KCND2: variants seen among roughly 807,000 people sequenced by gnomAD.
KCND2 encodes the protein A-type voltage-gated potassium channel KCND2.
Under a neutral mutation model 54.4 loss-of-function variants are expected in KCND2, and 16 were observed. The ratio of observed to expected loss-of-function variants is 0.29; its 90% CI spans 0.20 to 0.45. The LOEUF (loss-of-function observed/expected upper bound fraction) is 0.45, where lower values mean the gene tolerates loss of function less well. Among genes scored for constraint, KCND2 ranks in the 20% least tolerant of loss-of-function variants. The pLI is 1.00. For missense variants in KCND2, 486 were observed against 824.2 expected, an observed-to-expected ratio of 0.59 and a Z score of 5.02; for synonymous variants, 317 against 310.7, an observed-to-expected ratio of 1.02 and a Z score of -0.21.
chr7:120,461,319 C>T (rs1420339354), intron 1 of KCND2, among the ~76,000 whole-genome samples: 1 of 152,182 alleles, frequency 6.6e-6, no homozygotes, highest in Non-Finnish European at 1.5e-5. Flanking sequence ...GACACTTTTT[C>T]ACTAGGGTTT....
intron 1 of KCND2, among the ~76,000 whole-genome samples, chr7:120,426,728 T>G (rs940148967): frequency 6.6e-6 from 1 of 151,734 alleles, no homozygotes; most frequent in Non-Finnish European, 1.5e-5. Flanking sequence ...TTCATGCCAT[T>G]CTCTTGCCTC....
At chr7:120,410,076 G>A (rs1008472557) in intron 1 of KCND2, among the ~76,000 whole-genome samples, 1 of 151,784 alleles carries the variant, frequency 6.6e-6, no homozygotes, top group African/African-American at 2.4e-5. Context: ...AAAAGTCAAG[G>A]TTTATTATTA....
chr7:120,474,241 A>G lies in KCND2; in HGVS notation c.1115+198494A>G, dbSNP rs192040625. Among the ~76,000 whole-genome samples the G allele has an allele frequency of 1.7e-3, 265 of 152,294 alleles. 1 individual carries two copies. Among genetic ancestry groups the G allele is most frequent in the Non-Finnish European group, 2.4e-3 (161 of 68,018 alleles). On this transcript the variant is annotated intron_variant, in intron 1 of 5. Transcript: ENST00000331113. ...ACTGTGGACACCACATGGCAGCTCA[A>G]GCATCCCACTGCCTGGCCATTCTGC... is the stretch of plus-strand genomic sequence containing the variant.
intron 1 of KCND2, among the ~76,000 whole-genome samples, chr7:120,331,620 T>G (rs1420490484): frequency 2.0e-5 from 3 of 152,120 alleles, no homozygotes; most frequent in African/African-American, 7.2e-5. Context: ...TGATTGATTT[T>G]GTTTGTGTTA....
chr7:120,450,190 A>G (rs1584783847), intron 1 of KCND2, among the ~76,000 whole-genome samples: 1 of 152,144 alleles, frequency 6.6e-6, no homozygotes, highest in African/African-American at 2.4e-5. Flanking sequence ...AGGCGGGTGG[A>G]TCATGAGGTC....
chr7:120,570,928 TA>T (rs1473692163), intron 1 of KCND2, among the ~76,000 whole-genome samples: 1 of 152,190 alleles, frequency 6.6e-6, no homozygotes, highest in Non-Finnish European at 1.5e-5. Context: ...AATAATGTTA[TA>T]AATGCTTGAA....
At chr7:120,662,565 A>G (rs1791879529) in intron 1 of KCND2, among the ~76,000 whole-genome samples, 1 of 152,206 alleles carries the variant, frequency 6.6e-6, no homozygotes, top group African/African-American at 2.4e-5. Context: ...TGTGTGTGCT[A>G]TTTGTGATGT....
chr7:120,407,404 A>G (rs1027267741), intron 1 of KCND2, among the ~76,000 whole-genome samples: 7 of 152,038 alleles, frequency 4.6e-5, no homozygotes, highest in African/African-American at 1.4e-4. Context: ...AAAGTGTGAC[A>G]GCACTTCATG....
chr7:120,284,366 T>G (rs746030407), intron 1 of KCND2, among the ~76,000 whole-genome samples: 1 of 152,142 alleles, frequency 6.6e-6, no homozygotes, highest in East Asian at 1.9e-4. Flanking sequence ...AAATTAAGGC[T>G]GTCTAACCCT....
chr7:120,396,181 TC>T (rs1801153260), intron 1 of KCND2, among the ~76,000 whole-genome samples: 1 of 152,052 alleles, frequency 6.6e-6, no homozygotes, highest in Non-Finnish European at 1.5e-5. Flanking sequence ...GCCAAGTTGG[TC>T]AATGTCAAAC....
At chr7:120,666,290 A>G (rs995265305) in intron 1 of KCND2, among the ~76,000 whole-genome samples, 4 of 152,054 alleles carry the variant, frequency 2.6e-5, no homozygotes, top group Admixed American at 2.6e-4. Context: ...AAAGAGAAAG[A>G]GCACAATCAG....
chr7:120,524,701 T>G (rs1791751821), intron 1 of KCND2, among the ~76,000 whole-genome samples: 1 of 152,204 alleles, frequency 6.6e-6, no homozygotes, highest in South Asian at 2.1e-4. Context: ...CAATTTTAAG[T>G]TAGCTTTTAA....
Position 120,678,900 on chromosome 7 carries a change from G to T in KCND2, c.1116-54003G>T, listed in dbSNP as rs575630753. On this transcript the variant is annotated intron_variant, in intron 1 of 5. Transcript: ENST00000331113. Reference sequence around the variant, plus strand: ...AAGAGTTCTGAAGCTTGACCCAATTGTGCTTGACTTTACTGTTATACTTGT... The same window carrying T: ...AAGAGTTCTGAAGCTTGACCCAATTTTGCTTGACTTTACTGTTATACTTGT... Among the ~76,000 whole-genome samples, 3 of 151,204 alleles carry T rather than the reference G, an allele frequency of 2.0e-5. No homozygotes were observed. In the South Asian group the frequency reaches 6.3e-4, roughly 32 times the overall value.
At chr7:120,739,392 A>G (rs1792912431) in intron 2 of KCND2, among the ~76,000 whole-genome samples, 1 of 151,984 alleles carries the variant, frequency 6.6e-6, no homozygotes, top group South Asian at 2.1e-4. Context: ...TTGTTTCCAA[A>G]TGTCCTTTTC....
intron 1 of KCND2, among the ~76,000 whole-genome samples, chr7:120,689,726 C>T (rs1226005635): frequency 2.6e-5 from 4 of 152,160 alleles, no homozygotes; most frequent in Admixed American, 6.5e-5. Flanking sequence ...AAGCCCAGTT[C>T]CTTTTGCAGT....
At chr7:120,325,468 A>G (rs1251839231) in intron 1 of KCND2, among the ~76,000 whole-genome samples, 1 of 151,440 alleles carries the variant, frequency 6.6e-6, no homozygotes, top group African/African-American at 2.4e-5. Context: ...ATTTTGAAAT[A>G]TGTCCCATCA....
chr7:120,282,096 C>T (rs759867916), intron 1 of KCND2, among the ~76,000 whole-genome samples: 10 of 152,052 alleles, frequency 6.6e-5, no homozygotes, highest in Non-Finnish European at 1.0e-4. Flanking sequence ...TTGCGGATGC[C>T]TTTGGGAAGC....
chr7:120,275,691 G>T lies in KCND2; in HGVS notation c.1059G>T (p.Lys353Asn). The T allele has an allele frequency of 6.2e-7, 1 of 1,601,976 alleles. No individual in the cohort carries two copies. The highest frequency in any genetic ancestry group is 1.3e-5 in the African/African-American group (1 of 74,994). The change falls in exon 1 of 6, where the codon AAG becomes AAT. Residue 353 changes from lysine (K) to asparagine (N), a missense_variant. Lys to Asn is a moderately conservative substitution (Grantham distance 94). This residue lies in a region of KCND2 where 23 missense variants were observed against 33.7 expected (regional missense o/e 0.68). Transcript: ENST00000331113. ...CAGAGAAGGGGTCTTCGGCTAGCAA[G>T]TTCACCAGCATCCCTGCAGCCTTCT... ...FYAEKGSSAS[K>N]FTSIPAAFWY... is the part of the protein sequence containing the mutation.
chr7:120,720,536 G>A (rs1227307855), intron 1 of KCND2, among the ~76,000 whole-genome samples: 1 of 152,104 alleles, frequency 6.6e-6, no homozygotes, highest in Non-Finnish European at 1.5e-5. Context: ...TGCCAGTTGT[G>A]CCAGTGGAAA....
Sources: gnomAD v4.1 joint callset for allele counts (sites outside exome capture counted in the v4.1 genomes callset) on GRCh38, gnomAD v4.1.1 for gene constraint, gnomAD v4.1.1 regional missense constraint, MANE v1.5 for transcripts, NCBI Gene and HGNC (gene_info 2026-07-23, HGNC 2026-07-21) for gene names.